NRG1: variants seen among roughly 807,000 people sequenced by gnomAD.
NRG1 encodes the protein pro-neuregulin-1, membrane-bound isoform.
Under a neutral mutation model 63.8 loss-of-function variants are expected in NRG1, and 18 were observed. The observed-to-expected ratio is 0.28, with a 90% CI of 0.19 to 0.42. NRG1 has a LOEUF of 0.42. Among genes scored for constraint, NRG1 ranks in the 10% least tolerant of loss-of-function variants. NRG1 has a pLI of 1.00. For synonymous variants in NRG1, 302 were observed against 301.3 expected (o/e 1.00, Z -0.02); for missense variants, 762 against 814.7 (o/e 0.94, Z 0.79).
intron 1 of NRG1, among the ~76,000 whole-genome samples, chr8:32,376,791 C>T (rs1489527441): frequency 6.6e-6 from 1 of 152,112 alleles, no homozygotes; most frequent in Non-Finnish European, 1.5e-5. Flanking sequence ...TCCTTCCAAG[C>T]AGTGAGAGCA....
At chr8:32,468,838 TCTCTTCTTTTGGAAGTGG>T (rs1240631589) in intron 1 of NRG1, among the ~76,000 whole-genome samples, 1 of 152,122 alleles carries the variant, frequency 6.6e-6, no homozygotes, top group Non-Finnish European at 1.5e-5. Flanking sequence ...TTTGGAAGTG[TCTCTTCTTTTGGAAGTGG>T]GAGACCAAGT....
At chr8:31,960,344 G>C (rs1049809874) in intron 1 of NRG1, among the ~76,000 whole-genome samples, 2 of 152,110 alleles carry the variant, frequency 1.3e-5, no homozygotes, top group African/African-American at 4.8e-5. Flanking sequence ...TTCATATAGG[G>C]AGTGAGTGAG....
At chr8:31,882,101 C>T (rs1830389652) in intron 1 of NRG1, among the ~76,000 whole-genome samples, 1 of 152,060 alleles carries the variant, frequency 6.6e-6, no homozygotes, top group Admixed American at 6.6e-5. Flanking sequence ...AAATGACTGA[C>T]TTCAAGGGAC....
intron 5 of NRG1, among the ~76,000 whole-genome samples, chr8:32,626,403 G>A (rs914351224): frequency 2.0e-5 from 3 of 150,408 alleles, no homozygotes; most frequent in Non-Finnish European, 4.4e-5. Flanking sequence ...AAAGCCAGCC[G>A]GGTGCGGTGG....
At chr8:32,752,132 C>T (rs1043137030) in intron 7 of NRG1, among the ~76,000 whole-genome samples, 1 of 152,136 alleles carries the variant, frequency 6.6e-6, no homozygotes, top group Non-Finnish European at 1.5e-5. Flanking sequence ...ACCTACACTC[C>T]TATTTCTTCA....
intron 1 of NRG1, among the ~76,000 whole-genome samples, chr8:32,042,961 A>AGTGTGTGTGTGTGTGTGTGTGTGTGT (rs111850977): frequency 9.2e-4 from 129 of 140,002 alleles, no homozygotes; most frequent in African/African-American, 1.9e-3. Flanking sequence ...GAAAGAGTGC[A>AGTGTGTGTGTGTGTGTGTGTGTGTGT]GTGTGTGTGT....
chr8:31,661,478 G>T (rs567079152), intron 1 of NRG1, among the ~76,000 whole-genome samples: 1 of 152,280 alleles, frequency 6.6e-6, no homozygotes, highest in African/African-American at 2.4e-5. Flanking sequence ...GGCAAACTTA[G>T]GTTGCCAGTA....
At chr8:32,373,043 T>G (rs1378547054) in intron 1 of NRG1, among the ~76,000 whole-genome samples, 1 of 151,964 alleles carries the variant, frequency 6.6e-6, no homozygotes, top group African/African-American at 2.4e-5. Flanking sequence ...CGTGAGTAGG[T>G]GACAAGCTGC....
Position 31,934,415 on chromosome 8 carries a change from G to T in NRG1, c.37+294984G>T, listed in dbSNP as rs993268907. Among the ~76,000 whole-genome samples the T allele has an allele frequency of 1.4e-4, 15 of 107,606 alleles. 1 individual carries two copies. The highest frequency in any genetic ancestry group is 6.0e-4 in the South Asian group (2 of 3,318). 70.6% of individuals were successfully genotyped at this position (107,606 alleles called of 152,430 possible). A position where few individuals can be genotyped will look rare whatever the true frequency, so the allele number is the denominator to read the frequency against. The stretch of plus-strand genomic sequence containing the variant: ...CACACATACACACACCCCTTTATTC[G>T]CTCTCTTTTTTTTTTTTTTTTTTTT... On this transcript the variant is annotated intron_variant, in intron 1 of 10. Transcript: ENST00000519301.
chr8:32,553,328 A>T (rs1419924649), intron 1 of NRG1, among the ~76,000 whole-genome samples: 1 of 152,220 alleles, frequency 6.6e-6, no homozygotes, highest in Non-Finnish European at 1.5e-5. Context: ...GAAATGAATT[A>T]TCTGTGTCTT....
intron 1 of NRG1, among the ~76,000 whole-genome samples, chr8:31,956,580 T>C (rs327392): frequency 0.85 from 129,091 of 151,978 alleles, 55,667 homozygotes; most frequent in African/African-American, 0.96. Flanking sequence ...GCCGAGATCG[T>C]GCCACTGCAC....
At chr8:31,727,573 T>A (rs1424088412) in intron 1 of NRG1, among the ~76,000 whole-genome samples, 1 of 152,152 alleles carries the variant, frequency 6.6e-6, no homozygotes, top group Non-Finnish European at 1.5e-5. Context: ...TCTTCAAATG[T>A]ATAGGTAGAT....
chr8:32,418,081 G>C (rs1037549281), intron 1 of NRG1, among the ~76,000 whole-genome samples: 1 of 152,052 alleles, frequency 6.6e-6, no homozygotes, highest in African/African-American at 2.4e-5. Context: ...TGAAAGTCAA[G>C]ATTATTATAC....
chr8:32,521,902 T>C (rs1830380311), intron 1 of NRG1, among the ~76,000 whole-genome samples: 1 of 152,198 alleles, frequency 6.6e-6, no homozygotes, highest in Non-Finnish European at 1.5e-5. Flanking sequence ...TTTTAGTTGA[T>C]TTCCTATGTA....
chr8:32,735,874 A>T (rs576286276), intron 6 of NRG1, among the ~76,000 whole-genome samples: 2 of 152,280 alleles, frequency 1.3e-5, no homozygotes, highest in African/African-American at 4.8e-5. Flanking sequence ...ACATTGAAAA[A>T]CAACATTTGA....
intron 1 of NRG1, among the ~76,000 whole-genome samples, chr8:32,091,330 A>G (rs1829122346): frequency 6.6e-6 from 1 of 152,058 alleles, no homozygotes; most frequent in Admixed American, 6.6e-5. Context: ...AATTCCTACA[A>G]CCTCTCAGTG....
intron 1 of NRG1, among the ~76,000 whole-genome samples, chr8:32,556,140 T>C (rs570593637): frequency 1.3e-5 from 2 of 152,364 alleles, no homozygotes; most frequent in East Asian, 3.9e-4. Context: ...ATTGTCCATG[T>C]CATACAGTTT....
chr8:31,678,333 G>A (rs1342393529), intron 1 of NRG1, among the ~76,000 whole-genome samples: 1 of 152,056 alleles, frequency 6.6e-6, no homozygotes, highest in Non-Finnish European at 1.5e-5. Context: ...ACTCTGAGAT[G>A]TCCTGCATAG....
intron 1 of NRG1, among the ~76,000 whole-genome samples, chr8:31,965,889 T>C (rs760252649): frequency 6.6e-6 from 1 of 152,176 alleles, no homozygotes; most frequent in African/African-American, 2.4e-5. Context: ...TCTCATGTAT[T>C]CATTTATAAG....
Sources: allele counts gnomAD v4.1 joint callset (sites outside exome capture counted in the v4.1 genomes callset), GRCh38; gene constraint gnomAD v4.1.1; transcripts MANE v1.5; gene names NCBI Gene and HGNC (gene_info 2026-07-23, HGNC 2026-07-21).